Variants in ZNF215 observed in about 807,000 individuals in gnomAD.
ZNF215 encodes BWSCR2-associated zinc finger protein 2.
A neutral mutation model predicts 27.2 loss-of-function variants in ZNF215; 24 were observed. The ratio of observed to expected loss-of-function variants is 0.88; its 90% CI spans 0.64 to 1.24. The LOEUF is 1.24. Among genes scored for constraint, ZNF215 ranks in the 50% most tolerant of loss-of-function variants. The probability of loss-of-function intolerance (pLI) is 0.00; values close to 1 mark genes in which losing one functional copy is unlikely to be tolerated. For synonymous variants in ZNF215, 210 were observed against 204.0 expected, an observed-to-expected ratio of 1.03 and a Z score of -0.25; for missense variants, 675 against 605.7, an observed-to-expected ratio of 1.11 and a Z score of -1.20.
Position 6,956,160 on chromosome 11 carries a change from A to C in ZNF215, c.1183A>C (p.Ile395Leu). ...GKAFCRSSSL[I>L]RHQIIHTGEK... Reference sequence around the variant, plus strand: ...AGCCTTCTGCCGAAGTTCATCCCTTATTCGACATCAGATCATTCACACAGG... The same window carrying C: ...AGCCTTCTGCCGAAGTTCATCCCTTCTTCGACATCAGATCATTCACACAGG... Residue 395 changes from isoleucine to leucine, a missense_variant, in exon 7 of 7, where the codon ATT (isoleucine) becomes CTT (leucine). Ile to Leu is a conservative substitution (Grantham distance 5, BLOSUM62 2). Coordinates refer to ENST00000278319, the MANE Select transcript of ZNF215 (RefSeq NM_013250.4). 1 of 1,613,782 alleles carries C rather than the reference A, an allele frequency of 6.2e-7. No individual in the cohort carries two copies. The highest frequency in any genetic ancestry group is 1.1e-5 in the South Asian group (1 of 90,968).
intron 6 of ZNF215, among the ~76,000 whole-genome samples, chr11:6,945,160 ATTAC>A (rs1175593032): frequency 6.6e-6 from 1 of 152,172 alleles, no homozygotes; most frequent in Non-Finnish European, 1.5e-5. Flanking sequence ...AACACTGGGT[ATTAC>A]TTACCCGAAT....
chr11:6,986,202 T>C (rs1851051531), downstream of ZNF215, among the ~76,000 whole-genome samples: 1 of 152,098 alleles, frequency 6.6e-6, no homozygotes, highest in African/African-American at 2.4e-5. Flanking sequence ...TACAACAGAA[T>C]AGAGAATCCA....
chr11:6,941,629 T>C lies in ZNF215; in HGVS notation c.459T>C (p.Ala153=). The C allele has an allele frequency of 6.2e-7, 1 of 1,614,098 alleles. No homozygotes were observed. Among genetic ancestry groups the C allele is most frequent in the Non-Finnish European group, 8.5e-7 (1 of 1,179,952 alleles). The change falls in exon 4 of 7, where the codon GCT becomes GCC. Residue 153 remains alanine (A), a synonymous_variant. Transcript: ENST00000278319. ...QMGSIKEKMK[A]GSRTGKPQEP... is the part of the protein sequence containing the mutation. ...GGAGCATCAAGGAGAAAATGAAAGC[T>C]GGCTCACGAACAGGCAAACCACAGG... is the stretch of plus-strand genomic sequence containing the variant.
chr11:6,951,938 T>C (rs1381254214), intron 6 of ZNF215, among the ~76,000 whole-genome samples: 4 of 152,206 alleles, frequency 2.6e-5, no homozygotes, highest in Non-Finnish European at 5.9e-5. Flanking sequence ...GTTGTGTCTT[T>C]GTTCTCACTG....
At chr11:6,969,924 G>A (rs1353586031) in intron 5 of ZNF215, among the ~76,000 whole-genome samples, 1 of 152,066 alleles carries the variant, frequency 6.6e-6, no homozygotes, top group African/African-American at 2.4e-5. Flanking sequence ...GGGATTACAG[G>A]CACCCACCAC....
intron 3 of ZNF215, among the ~76,000 whole-genome samples, chr11:6,935,535 G>A (rs1849405386): frequency 6.6e-6 from 1 of 152,186 alleles, no homozygotes. Flanking sequence ...GTTACTAAAT[G>A]AGCAATAACT....
downstream of ZNF215, among the ~76,000 whole-genome samples, chr11:6,987,438 A>T (rs910342088): frequency 6.6e-6 from 1 of 152,182 alleles, no homozygotes; most frequent in Non-Finnish European, 1.5e-5. Flanking sequence ...CACTAACTGG[A>T]TGACACATTA....
At position 6,956,692 on chromosome 11, in the gene ZNF215, G is replaced by T; in HGVS notation, c.*161G>T. 2.2e-6 allele frequency: 3 copies of T among 1,381,518 alleles called. No individual in the cohort carries two copies. The highest frequency in any genetic ancestry group is 2.8e-6 in the Non-Finnish European group (3 of 1,075,636). 85.6% of individuals were successfully genotyped at this position (1,381,518 alleles called of 1,614,324 possible). A position where few individuals can be genotyped will look rare whatever the true frequency, so the allele number is the denominator to read the frequency against. ...ATTAATGTTGGATAGAAATATCATT[G>T]GATAGAAATCTGTTTGAAGGAATTT... On this transcript the variant is annotated 3_prime_UTR_variant, in exon 7 of 7. Coordinates refer to ENST00000278319, the MANE Select transcript of ZNF215 (RefSeq NM_013250.4).
chr11:6,969,111 G>T (rs943768828), intron 5 of ZNF215, among the ~76,000 whole-genome samples: 1 of 152,018 alleles, frequency 6.6e-6, no homozygotes, highest in Admixed American at 6.6e-5. Flanking sequence ...ATTTGATTCA[G>T]GTTTCCATTT....
chr11:6,980,292 A>G (rs1369949072), intron 5 of ZNF215, among the ~76,000 whole-genome samples: 1 of 151,854 alleles, frequency 6.6e-6, no homozygotes, highest in African/African-American at 2.4e-5. Context: ...AATGAATTAA[A>G]CATATGTCAT....
intron 6 of ZNF215, among the ~76,000 whole-genome samples, chr11:6,953,658 A>T (rs1454690505): frequency 1.3e-5 from 2 of 152,176 alleles, no homozygotes; most frequent in African/African-American, 2.4e-5. Flanking sequence ...CAAAGTTTTC[A>T]CCTTCTTTGC....
rs79686423 is a variant in ZNF215 at position 6,956,080 on chromosome 11, G to A, written c.1103G>A (p.Arg368Gln). The A allele has an allele frequency of 2.1e-3, 3,371 of 1,611,680 alleles. 112 individuals are homozygous for A. The East Asian group carries it at 0.06, about 29-fold the overall frequency. Residue 368 changes from arginine (R) to glutamine (Q), a missense_variant, in exon 7 of 7, where the codon CGA becomes CAA. By Grantham distance (43) the Arg-to-Gln change is conservative. Transcript: ENST00000278319. ...GACTTGAGTTTGAGTACAGATATTCGACACCAAAAAAGTCATACTACAATG... is the reference window on the plus strand; with the variant it reads ...GACTTGAGTTTGAGTACAGATATTCAACACCAAAAAAGTCATACTACAATG... The part of the protein sequence containing the change: ...GNDLSLSTDI[R>Q]HQKSHTTMNS...
At chr11:6,984,465 A>G (rs1851022190) in exon 6 of ZNF215, 1 of 152,928 alleles carries the variant, frequency 6.5e-6, no homozygotes, top group South Asian at 2.0e-4. Context: ...GTTTCTAGAA[A>G]CTTATTTTTA....
At chr11:6,987,735 C>T (rs1298203622), downstream of ZNF215, among the ~76,000 whole-genome samples, 1 of 152,144 alleles carries the variant, frequency 6.6e-6, no homozygotes, top group Non-Finnish European at 1.5e-5. Context: ...AAAGTAATAA[C>T]ATCCATTGTA....
At chr11:6,965,382 A>G (rs1003391149) in intron 5 of ZNF215, among the ~76,000 whole-genome samples, 1 of 152,152 alleles carries the variant, frequency 6.6e-6, no homozygotes. Flanking sequence ...AAAGTGCTAC[A>G]TGGACATCAA....
downstream of ZNF215, among the ~76,000 whole-genome samples, chr11:6,989,172 AAAG>A (rs1318373898): frequency 2.1e-5 from 3 of 140,828 alleles, no homozygotes; most frequent in Non-Finnish European, 3.2e-5. Context: ...AAAAAAAAAA[AAAG>A]GTATTATGTT....
intron 5 of ZNF215, among the ~76,000 whole-genome samples, chr11:6,963,602 A>G (rs1274192392): frequency 6.6e-6 from 1 of 152,122 alleles, no homozygotes; most frequent in Non-Finnish European, 1.5e-5. Flanking sequence ...AAATATATAT[A>G]TAACAGTTTG....
chr11:6,960,364 G>A (rs538584782), downstream of ZNF215, among the ~76,000 whole-genome samples: 24 of 152,232 alleles, frequency 1.6e-4, no homozygotes, highest in African/African-American at 3.6e-4. Context: ...CAAAGAATGC[G>A]CAGTCTGCAT....
At chr11:6,973,090 C>T (rs994560843) in intron 5 of ZNF215, among the ~76,000 whole-genome samples, 1 of 152,110 alleles carries the variant, frequency 6.6e-6, no homozygotes, top group Admixed American at 6.5e-5. Context: ...TGTCCCCCTT[C>T]CTGTCTCCAA....
Sources: gnomAD v4.1 joint callset for allele counts (sites outside exome capture counted in the v4.1 genomes callset) on GRCh38, gnomAD v4.1.1 for gene constraint, MANE v1.5 for transcripts, NCBI Gene and HGNC (gene_info 2026-07-23, HGNC 2026-07-21) for gene names.